Variants in CSMD1 observed in about 807,000 individuals in gnomAD.
The protein encoded by CSMD1 is CUB and sushi domain-containing protein 1.
In CSMD1, 213 loss-of-function variants were observed where a neutral mutation model predicts 417.5. The observed-to-expected ratio is 0.51, with a 90% CI of 0.46 to 0.57. The LOEUF is 0.57. CSMD1 is among the 20% of genes least tolerant of loss of function. The pLI is 0.00. For synonymous variants in CSMD1, 2,862 were observed against 1,736.8 expected, an observed-to-expected ratio of 1.65 and a Z score of -16.11; for missense variants, 6,923 against 4,529.7, an observed-to-expected ratio of 1.53 and a Z score of -15.17.
intron 5 of CSMD1, among the ~76,000 whole-genome samples, chr8:3,832,084 T>A (rs1038137915): frequency 9.9e-5 from 15 of 152,176 alleles, no homozygotes; most frequent in African/African-American, 3.4e-4. Context: ...GGGTATCTCA[T>A]GTGTGGAATC....
intron 1 of CSMD1, among the ~76,000 whole-genome samples, chr8:4,824,629 G>A (rs982089642): frequency 6.6e-6 from 1 of 152,098 alleles, no homozygotes; most frequent in Non-Finnish European, 1.5e-5. Context: ...GTATGTGTGT[G>A]CGAACACACC....
intron 7 of CSMD1, among the ~76,000 whole-genome samples, chr8:3,658,811 C>G (rs915593999): frequency 4.6e-5 from 7 of 152,012 alleles, no homozygotes; most frequent in Non-Finnish European, 1.0e-4. Flanking sequence ...TAAAGTCTTC[C>G]AACAATTTTG....
chr8:4,627,477 C>A (rs181406506), intron 2 of CSMD1, among the ~76,000 whole-genome samples: 2 of 152,256 alleles, frequency 1.3e-5, no homozygotes, highest in Admixed American at 6.5e-5. Context: ...AACAATTTTA[C>A]TGATTCTTGA....
chr8:2,958,594 T>C (rs1448510570), intron 62 of CSMD1, among the ~76,000 whole-genome samples: 1 of 152,216 alleles, frequency 6.6e-6, no homozygotes, highest in East Asian at 1.9e-4. Flanking sequence ...GCACCAAAGA[T>C]CATCCATGGT....
chr8:3,922,243 C>T (rs1329816086), intron 5 of CSMD1, among the ~76,000 whole-genome samples: 1 of 151,960 alleles, frequency 6.6e-6, no homozygotes, highest in Admixed American at 6.6e-5. Flanking sequence ...TTTTCTATCT[C>T]TTTACTTTCA....
chr8:4,941,824 C>A (rs1385605952), intron 1 of CSMD1, among the ~76,000 whole-genome samples: 2 of 152,146 alleles, frequency 1.3e-5, no homozygotes, highest in African/African-American at 2.4e-5. Flanking sequence ...GTCTTGAACT[C>A]CTGAGCTCAA....
At chr8:3,363,572 G>C (rs770087695) in intron 20 of CSMD1, among the ~76,000 whole-genome samples, 5 of 151,890 alleles carry the variant, frequency 3.3e-5, no homozygotes, top group Non-Finnish European at 7.4e-5. Flanking sequence ...GTATTGCCGA[G>C]GCTGGAGTGC....
intron 3 of CSMD1, among the ~76,000 whole-genome samples, chr8:4,312,383 A>ATATATACACACG (rs1563435083): frequency 4.3e-4 from 29 of 67,170 alleles, no homozygotes; most frequent in African/African-American, 1.5e-3. Context: ...ACAAATATAT[A>ATATATACACACG]TATATATATA....
intron 50 of CSMD1, among the ~76,000 whole-genome samples, chr8:3,043,195 G>A (rs1014491971): frequency 7.3e-5 from 11 of 151,372 alleles, no homozygotes; most frequent in South Asian, 2.1e-4. Context: ...TCACTATAGC[G>A]ATAGGTTTCT....
chr8:3,395,577 G>C (rs1244892719), intron 17 of CSMD1, among the ~76,000 whole-genome samples: 2 of 152,154 alleles, frequency 1.3e-5, no homozygotes, highest in African/African-American at 4.8e-5. Flanking sequence ...TGGACTGTTT[G>C]CAAAATACAT....
intron 26 of CSMD1, among the ~76,000 whole-genome samples, chr8:3,242,253 G>A (rs566222032): frequency 4.6e-5 from 7 of 151,754 alleles, no homozygotes; most frequent in South Asian, 4.2e-4. Flanking sequence ...GTGGAGGAAC[G>A]GAGGCTGAGG....
At chr8:3,564,269 T>C (rs1481723123) in intron 10 of CSMD1, among the ~76,000 whole-genome samples, 1 of 152,182 alleles carries the variant, frequency 6.6e-6, no homozygotes, top group Admixed American at 6.6e-5. Flanking sequence ...AAGCAACTTT[T>C]ATTAAGAAAA....
chr8:3,889,112 G>C lies in CSMD1; in HGVS notation c.818+108791C>G, dbSNP rs181603499. On this transcript the variant is annotated intron_variant, in intron 5 of 69. Coordinates refer to ENST00000635120, the MANE Select transcript of CSMD1 (RefSeq NM_033225.6). ...CCAATTCATTGGTTGCTGCAAGTTA[G>C]AAGTTTTACTCCCAATGATTCAGAT... Among the ~76,000 whole-genome samples the C allele has an allele frequency of 5.0e-3, 767 of 152,076 alleles. 2 individuals carry two copies. Among genetic ancestry groups the C allele is most frequent in the Non-Finnish European group, 7.5e-3 (507 of 67,978 alleles).
intron 11 of CSMD1, among the ~76,000 whole-genome samples, chr8:3,493,195 G>T (rs547320838): frequency 1.3e-5 from 2 of 151,178 alleles, no homozygotes; most frequent in African/African-American, 2.4e-5. Flanking sequence ...TCAGGAGGGT[G>T]AGGCAGGTGA....
chr8:2,972,349 T>C (rs1804533199), intron 57 of CSMD1, among the ~76,000 whole-genome samples: 2 of 152,316 alleles, frequency 1.3e-5, no homozygotes, highest in African/African-American at 2.4e-5. Context: ...CATACAACAA[T>C]ACATATTGAA....
chr8:3,994,836 T>C (rs1183516065), intron 5 of CSMD1, among the ~76,000 whole-genome samples: 2 of 152,220 alleles, frequency 1.3e-5, no homozygotes, highest in Non-Finnish European at 2.9e-5. Context: ...AATCCTATTA[T>C]TGTTCCTAAC....
chr8:3,713,877 T>C (rs1446237714), intron 6 of CSMD1, among the ~76,000 whole-genome samples: 2 of 152,300 alleles, frequency 1.3e-5, no homozygotes, highest in Non-Finnish European at 2.9e-5. Flanking sequence ...CAACTTTTCA[T>C]TAACTTGCAT....
chr8:2,966,887 T>C (rs1472121247), intron 57 of CSMD1, 141 bp from the exon 58 acceptor site: 1 of 689,502 alleles, frequency 1.5e-6, no homozygotes, highest in African/African-American at 1.8e-5. Context: ...GGAAGTTCCT[T>C]AACATATGGC....
At chr8:3,149,566 C>A (rs1819065532) in intron 40 of CSMD1, among the ~76,000 whole-genome samples, 2 of 152,192 alleles carry the variant, frequency 1.3e-5, no homozygotes, top group African/African-American at 4.8e-5. Flanking sequence ...CAACCTCCAC[C>A]TCCCGGGTTC....
Sources: allele counts gnomAD v4.1 joint callset (sites outside exome capture counted in the v4.1 genomes callset), GRCh38; gene constraint gnomAD v4.1.1; transcripts MANE v1.5; gene names NCBI Gene and HGNC (gene_info 2026-07-23, HGNC 2026-07-21).